The following GALNTL6 variants were observed in gnomAD, a reference collection of about 807,000 sequenced individuals.
GALNTL6 encodes the protein polypeptide N-acetylgalactosaminyltransferase-like 6.
GALNTL6 carries 46 observed loss-of-function variants against 73.7 expected under a neutral mutation model. The observed-to-expected ratio is 0.62, with a 90% CI of 0.49 to 0.80. The LOEUF (loss-of-function observed/expected upper bound fraction) is 0.80, where lower values mean the gene tolerates loss of function less well. GALNTL6 is among the 30% of genes least tolerant of loss of function. GALNTL6 has a pLI of 0.00. For synonymous variants in GALNTL6, 259 were observed against 263.7 expected (o/e 0.98, Z 0.17); for missense variants, 604 against 755.0 (o/e 0.80, Z 2.34).
intron 2 of GALNTL6, among the ~76,000 whole-genome samples, chr4:171,913,443 G>T (rs1213557162): frequency 1.3e-5 from 2 of 152,150 alleles, no homozygotes; most frequent in Non-Finnish European, 2.9e-5. Flanking sequence ...CCCACAGCTG[G>T]ATTCCCTTTA....
At chr4:172,494,418 G>C (rs536825579) in intron 5 of GALNTL6, among the ~76,000 whole-genome samples, 109 of 152,296 alleles carry the variant, frequency 7.2e-4, no homozygotes, top group African/African-American at 2.5e-3. Flanking sequence ...AATTAACCAA[G>C]TCTTTTCTCA....
At chr4:172,337,711 T>TTTGTGTTGAC (rs1741393054) in intron 4 of GALNTL6, among the ~76,000 whole-genome samples, 1 of 150,614 alleles carries the variant, frequency 6.6e-6, no homozygotes, top group African/African-American at 2.4e-5. Context: ...TTTTTTTTTT[T>TTTGTGTTGAC]CTAGTGTTGA....
At chr4:172,454,847 A>G (rs920802565) in intron 5 of GALNTL6, among the ~76,000 whole-genome samples, 3 of 152,250 alleles carry the variant, frequency 2.0e-5, no homozygotes, top group Non-Finnish European at 2.9e-5. Context: ...TGACTTCACA[A>G]TAAGCCAAAT....
intron 2 of GALNTL6, among the ~76,000 whole-genome samples, chr4:172,110,154 G>T (rs1008297286): frequency 2.0e-5 from 3 of 152,046 alleles, no homozygotes; most frequent in Non-Finnish European, 2.9e-5. Context: ...GGAAGGCAAG[G>T]CTTATAAAAA....
chr4:171,877,101 G>C (rs1246580908), intron 2 of GALNTL6, among the ~76,000 whole-genome samples: 3 of 152,092 alleles, frequency 2.0e-5, no homozygotes, highest in Non-Finnish European at 4.4e-5. Flanking sequence ...AGCTGTCTCT[G>C]TTTCTCCACT....
chr4:172,942,664 G>A (rs1579686687), intron 9 of GALNTL6, among the ~76,000 whole-genome samples: 1 of 152,162 alleles, frequency 6.6e-6, no homozygotes, highest in Middle Eastern at 3.4e-3. Flanking sequence ...GCACCGCCCC[G>A]GATTTGCTTC....
intron 3 of GALNTL6, among the ~76,000 whole-genome samples, chr4:172,239,846 C>T (rs759481211): frequency 1.3e-5 from 2 of 152,106 alleles, no homozygotes; most frequent in African/African-American, 4.8e-5. Flanking sequence ...CTGTTAAGTC[C>T]ATTTGATCAA....
intron 2 of GALNTL6, among the ~76,000 whole-genome samples, chr4:172,150,322 A>G (rs1306427886): frequency 6.6e-6 from 1 of 152,246 alleles, no homozygotes; most frequent in Non-Finnish European, 1.5e-5. Flanking sequence ...AGGAACATGT[A>G]GTTTCTAAGA....
chr4:172,735,936 C>A (rs1736433294), intron 5 of GALNTL6, among the ~76,000 whole-genome samples: 5 of 152,078 alleles, frequency 3.3e-5, no homozygotes, highest in Admixed American at 2.0e-4. Flanking sequence ...ACAAAACCAG[C>A]AAGTTTTTAT....
intron 3 of GALNTL6, among the ~76,000 whole-genome samples, chr4:172,273,964 C>A (rs1048058336): frequency 6.6e-6 from 1 of 152,164 alleles, no homozygotes; most frequent in Non-Finnish European, 1.5e-5. Context: ...AGGTCTACTT[C>A]TTTTATCCAT....
intron 2 of GALNTL6, among the ~76,000 whole-genome samples, chr4:172,124,554 T>G (rs1374185885): frequency 6.6e-6 from 1 of 152,088 alleles, no homozygotes; most frequent in Non-Finnish European, 1.5e-5. Context: ...ATAAAACAAA[T>G]TTAACTTTTT....
At chr4:172,822,775 G>T (rs1033554434) in intron 7 of GALNTL6, among the ~76,000 whole-genome samples, 2 of 152,114 alleles carry the variant, frequency 1.3e-5, no homozygotes, top group South Asian at 2.1e-4. Flanking sequence ...ACTGTTTTTC[G>T]TAGGGGTTTT....
chr4:171,909,831 C>T (rs984349171), intron 2 of GALNTL6, among the ~76,000 whole-genome samples: 19 of 152,002 alleles, frequency 1.2e-4, no homozygotes, highest in Non-Finnish European at 2.2e-4. Flanking sequence ...ATATCAATAT[C>T]TTGTAAGTGT....
chr4:172,007,479 A>G (rs1740875815), intron 2 of GALNTL6, among the ~76,000 whole-genome samples: 1 of 152,130 alleles, frequency 6.6e-6, no homozygotes, highest in South Asian at 2.1e-4. Flanking sequence ...TATTTTCATT[A>G]ACTTCAATAT....
chr4:172,940,860 AC>A (rs1242816929), intron 9 of GALNTL6, among the ~76,000 whole-genome samples: 6 of 151,954 alleles, frequency 3.9e-5, no homozygotes, highest in Non-Finnish European at 8.8e-5. Context: ...TTTGGTAGAG[AC>A]GGGGTCTCAC....
At chr4:172,570,625 G>A (rs1469736429) in intron 5 of GALNTL6, among the ~76,000 whole-genome samples, 2 of 152,128 alleles carry the variant, frequency 1.3e-5, no homozygotes, top group African/African-American at 4.8e-5. Context: ...CAACCTTTAT[G>A]GCACCAGGGA....
chr4:172,168,957 T>C (rs1475164656), intron 2 of GALNTL6, among the ~76,000 whole-genome samples: 2 of 152,216 alleles, frequency 1.3e-5, no homozygotes, highest in South Asian at 2.1e-4. Context: ...GAAATATTCT[T>C]TGAGGATAAC....
At chr4:172,572,663 G>A (rs544367522) in intron 5 of GALNTL6, among the ~76,000 whole-genome samples, 15 of 152,196 alleles carry the variant, frequency 9.9e-5, no homozygotes, top group African/African-American at 3.6e-4. Context: ...ACCAATTTCT[G>A]TGTTCCAAAT....
intron 3 of GALNTL6, among the ~76,000 whole-genome samples, chr4:172,237,523 T>C (rs1368253054): frequency 1.3e-5 from 2 of 152,218 alleles, no homozygotes; most frequent in Non-Finnish European, 2.9e-5. Context: ...AAATATTTTC[T>C]CCCATCGCAT....
Sources: allele counts gnomAD v4.1 joint callset (sites outside exome capture counted in the v4.1 genomes callset), GRCh38; gene constraint gnomAD v4.1.1; transcripts MANE v1.5; gene names NCBI Gene and HGNC (gene_info 2026-07-23, HGNC 2026-07-21).